The following DAPK1 variants were observed in gnomAD, a reference collection of about 807,000 sequenced individuals.
The protein encoded by DAPK1 is death-associated protein kinase 1.
Under a neutral mutation model 144.9 loss-of-function variants are expected in DAPK1, and 56 were observed. The ratio of observed to expected loss-of-function variants is 0.39; its 90% CI spans 0.31 to 0.48. The LOEUF (loss-of-function observed/expected upper bound fraction) is 0.48, where lower values mean the gene tolerates loss of function less well. Ranked by LOEUF, DAPK1 falls within the 20% of genes least tolerant of loss-of-function variation. DAPK1 has a pLI of 0.95. For missense variants in DAPK1, 1,454 were observed against 1,875.4 expected (o/e 0.78, Z 4.15); for synonymous variants, 690 against 749.0 (o/e 0.92, Z 1.29).
chr9:87,705,392 T>C (rs926271788), intron 25 of DAPK1, among the ~76,000 whole-genome samples: 1 of 151,920 alleles, frequency 6.6e-6, no homozygotes, highest in African/African-American at 2.4e-5. Context: ...CAACTAAATT[T>C]TGTATTTTTA....
chr9:87,511,783 T>C (rs1824857232), intron 2 of DAPK1, among the ~76,000 whole-genome samples: 1 of 151,720 alleles, frequency 6.6e-6, no homozygotes, highest in Admixed American at 6.6e-5. Flanking sequence ...CGATCTCGGC[T>C]CACTGCAACC....
At chr9:87,581,501 T>C (rs1166936003) in intron 2 of DAPK1, among the ~76,000 whole-genome samples, 4 of 152,332 alleles carry the variant, frequency 2.6e-5, no homozygotes, top group Non-Finnish European at 5.9e-5. Context: ...TGCATACTTA[T>C]CATGACCAAT....
intron 2 of DAPK1, among the ~76,000 whole-genome samples, chr9:87,512,543 C>T (rs1015383773): frequency 6.6e-6 from 1 of 152,190 alleles, no homozygotes; most frequent in African/African-American, 2.4e-5. Context: ...TGAGGCCCTG[C>T]CAGCTGCTGC....
chr9:87,663,413 C>T (rs36215387), intron 18 of DAPK1, among the ~76,000 whole-genome samples: 9 of 152,260 alleles, frequency 5.9e-5, no homozygotes, highest in East Asian at 3.9e-4. Context: ...CTGTTGCCTC[C>T]GCTCCCGCCC....
At chr9:87,688,804 C>G (rs1824956497) in intron 21 of DAPK1, among the ~76,000 whole-genome samples, 1 of 151,866 alleles carries the variant, frequency 6.6e-6, no homozygotes, top group Non-Finnish European at 1.5e-5. Context: ...TTGTTCAACT[C>G]TTTAAGTTCC....
rs776121041 is a variant in DAPK1, at chr9:87,645,966, G to A, written c.1083G>A (p.Gln361=). 45 of 1,613,950 alleles carry A rather than the reference G, an allele frequency of 2.8e-5. 1 individual carries two copies. In the South Asian group the frequency reaches 4.5e-4, roughly 16 times the overall value. ...AINDDNVPGL[Q]HLLGSLSNYD... is the part of the protein sequence containing the mutation. ...ACGATGACAATGTCCCAGGCCTGCA[G>A]CACCTTCTGGGCTCATTATCCAACT... Residue 361 remains glutamine, a synonymous_variant, in exon 12 of 26, where the codon CAG becomes CAA. Coordinates refer to ENST00000408954, the MANE Select transcript of DAPK1 (RefSeq NM_004938.4).
In DAPK1 at chr9:87,643,346, CCT is replaced by C. The variant is rs1491305596; in HGVS notation, c.919-29_919-28del. ...CCCTGCCTTTTTCCTCCCCGCCCTCCCTTTTTTTTTTTTTTTTTTTAAAAAAA... is the reference window on the plus strand; with the variant it reads ...CCCTGCCTTTTTCCTCCCCGCCCTCCTTTTTTTTTTTTTTTTTTAAAAAAA... On this transcript the variant is annotated intron_variant, in intron 10 of 25. Transcript: ENST00000408954. 2.1e-4 allele frequency: 233 copies of C among 1,103,640 alleles called. No individual in the cohort carries two copies. The African/African-American group carries it at 5.2e-3, about 25-fold the overall frequency. 68.4% of individuals were successfully genotyped at this position (1,103,640 alleles called of 1,614,324 possible).
chr9:87,664,673 G>T (rs143143940), intron 18 of DAPK1, among the ~76,000 whole-genome samples: 253 of 152,298 alleles, frequency 1.7e-3, no homozygotes, highest in African/African-American at 5.5e-3. Context: ...ATTCATTGCT[G>T]CCTCCTAAGT....
chr9:87,668,462 C>T (rs575015272), intron 18 of DAPK1, 135 bp from the exon 19 acceptor site: 10 of 708,308 alleles, frequency 1.4e-5, no homozygotes, highest in African/African-American at 5.2e-5. Flanking sequence ...CACACCGAGA[C>T]GTGCTCTTTG....
In DAPK1 at chr9:87,698,753, A is replaced by T; in HGVS notation, c.2709A>T (p.Gly903=). Residue 903 remains glycine, a synonymous_variant, in exon 23 of 26, where the codon GGA becomes GGT. Coordinates refer to ENST00000408954, the MANE Select transcript of DAPK1 (RefSeq NM_004938.4). ...NVPRPAGGEF[G]YDKDTSLLKE... is the part of the protein sequence containing the mutation. ...CTCGACCGGCTGGAGGCGAGTTTGG[A>T]TATGACAAAGACACATCGTTGCTGA... The T allele has an allele frequency of 6.2e-7, 1 of 1,607,550 alleles. No homozygotes were observed. The highest frequency in any genetic ancestry group is 1.7e-4 in the Middle Eastern group (1 of 6,056).
At chr9:87,508,653 G>A (rs1222230459) in intron 2 of DAPK1, among the ~76,000 whole-genome samples, 2 of 152,178 alleles carry the variant, frequency 1.3e-5, no homozygotes, top group Non-Finnish European at 2.9e-5. Flanking sequence ...CGATTGTCAG[G>A]ATTTTTGAGA....
chr9:87,562,672 A>G (rs1443340653), intron 2 of DAPK1, among the ~76,000 whole-genome samples: 1 of 152,236 alleles, frequency 6.6e-6, no homozygotes, highest in Non-Finnish European at 1.5e-5. Context: ...TACACCTGAA[A>G]GAAGTTGAGA....
intron 2 of DAPK1, among the ~76,000 whole-genome samples, chr9:87,570,218 C>CA (rs1827279459): frequency 6.6e-6 from 1 of 152,212 alleles, no homozygotes; most frequent in Admixed American, 6.5e-5. Context: ...TCTTGAACCT[C>CA]ATTTTCCCTC....
chr9:87,514,345 G>A (rs903539688), intron 2 of DAPK1, among the ~76,000 whole-genome samples: 6 of 152,206 alleles, frequency 3.9e-5, no homozygotes, highest in Non-Finnish European at 7.3e-5. Flanking sequence ...CCAGGAGTGC[G>A]TAGTTTCCTG....
chr9:87,502,737 C>T (rs1379530827), intron 2 of DAPK1, among the ~76,000 whole-genome samples: 5 of 152,158 alleles, frequency 3.3e-5, no homozygotes, highest in African/African-American at 1.2e-4. Flanking sequence ...CTCTCTTTGT[C>T]CATGACCATA....
chr9:87,533,656 T>C (rs1825768969), intron 2 of DAPK1, among the ~76,000 whole-genome samples: 1 of 43,964 alleles, frequency 2.3e-5, no homozygotes, highest in South Asian at 8.5e-4. Context: ...CTCCTTTTCT[T>C]TTCCTGCTCT....
chr9:87,584,664 T>TTGTGTGTGTGTGTGTG lies in DAPK1; in HGVS notation c.63-20278_63-20263dup, dbSNP rs113125719. Among the ~76,000 whole-genome samples the TTGTGTGTGTGTGTGTG allele has an allele frequency of 2.7e-4, 38 of 140,506 alleles. 1 individual carries two copies. The highest frequency in any genetic ancestry group is 9.2e-4 in the African/African-American group (37 of 40,428). The allele number at this position is 140,506 out of a possible 152,430, so 92.2% of individuals were successfully genotyped here. A position where few individuals can be genotyped will look rare whatever the true frequency, so the allele number is the denominator to read the frequency against. ...CTAACAAGTGAGAAATGATAGCTCA[T>TTGTGTGTGTGTGTGTG]TGTGTGTGTGTGTGTGTGTGTGTGT... On this transcript the variant is annotated intron_variant, in intron 2 of 25. Coordinates refer to ENST00000408954, the MANE Select transcript of DAPK1 (RefSeq NM_004938.4).
chr9:87,559,358 T>C (rs1364658548), intron 2 of DAPK1, among the ~76,000 whole-genome samples: 1 of 152,112 alleles, frequency 6.6e-6, no homozygotes, highest in Admixed American at 6.5e-5. Context: ...GGGTAGCATC[T>C]ACACCAATGC....
chr9:87,569,817 G>A lies in DAPK1; in HGVS notation c.63-35137G>A, dbSNP rs1275869641. ...GGTGCCAAACAGCTGTAAATGCAAG[G>A]CTGAGAACTATTTGTCCTCTTCCTT... On this transcript the variant is annotated intron_variant, in intron 2 of 25. Coordinates refer to ENST00000408954, the MANE Select transcript of DAPK1 (RefSeq NM_004938.4). Among the ~76,000 whole-genome samples the A allele has an allele frequency of 3.3e-5, 5 of 152,194 alleles. No homozygotes were observed. In the East Asian group the frequency reaches 9.6e-4, roughly 29 times the overall value.
Sources: gnomAD v4.1 joint callset for allele counts (sites outside exome capture counted in the v4.1 genomes callset) on GRCh38, gnomAD v4.1.1 for gene constraint, MANE v1.5 for transcripts, NCBI Gene and HGNC (gene_info 2026-07-23, HGNC 2026-07-21) for gene names.